The following ISX variants were observed in gnomAD, a reference collection of about 807,000 sequenced individuals.
ISX encodes intestine-specific homeobox.
ISX carries 15 observed loss-of-function variants against 16.9 expected under a neutral mutation model. The observed-to-expected ratio is 0.89, with a 90% CI of 0.59 to 1.36. ISX has a LOEUF of 1.36. Ranked by LOEUF, ISX falls within the 40% of genes most tolerant of loss-of-function variation. The pLI, the probability that ISX is intolerant of heterozygous loss-of-function variation, is 0.00. For missense variants in ISX, 316 were observed against 306.1 expected, an observed-to-expected ratio of 1.03 and a Z score of -0.24; for synonymous variants, 125 against 119.7, an observed-to-expected ratio of 1.04 and a Z score of -0.29.
In ISX at chr22:35,082,668, A is replaced by G. The variant is rs1290549926; in HGVS notation, c.380A>G (p.Gln127Arg). 3.1e-6 allele frequency: 5 copies of G among 1,614,006 alleles called. No homozygotes were observed. Among genetic ancestry groups the G allele is most frequent in the East Asian group, 4.5e-5 (2 of 44,884 alleles). The change falls in exon 3 of 5, where the codon CAG becomes CGG. Residue 127 changes from glutamine (Q) to arginine (R), a missense_variant and splice_region_variant. Coordinates refer to ENST00000404699, the MANE Select transcript of ISX (RefSeq NM_001303508.2). ...ARINLPEARV[Q>R]IWFQNQRAKW... ...ATCAACCTCCCAGAAGCTCGGGTGCAGGTACAGCCATCCCTACCTCAGCCC... is the reference window on the plus strand; with the variant it reads ...ATCAACCTCCCAGAAGCTCGGGTGCGGGTACAGCCATCCCTACCTCAGCCC...
At chr22:35,085,332 C>A in intron 4 of ISX, 122 bp from the exon 5 acceptor site, 2 of 1,244,228 alleles carry the variant, frequency 1.6e-6, no homozygotes, top group South Asian at 1.3e-5. Context: ...AGGTCCTGAG[C>A]AAACCAGAAC....
intron 2 of ISX, among the ~76,000 whole-genome samples, chr22:35,076,816 T>G (rs1928994082): frequency 6.6e-6 from 1 of 152,214 alleles, no homozygotes; most frequent in Admixed American, 6.5e-5. Flanking sequence ...TTAATTAAGT[T>G]CTGCTGATTC....
At chr22:35,075,104 C>G (rs1569112112) in intron 2 of ISX, among the ~76,000 whole-genome samples, 1 of 152,124 alleles carries the variant, frequency 6.6e-6, no homozygotes, top group Non-Finnish European at 1.5e-5. Context: ...CTTTAGAACA[C>G]AGAAGAGGCA....
intron 2 of ISX, among the ~76,000 whole-genome samples, chr22:35,078,285 T>G (rs1006860118): frequency 2.6e-5 from 4 of 152,154 alleles, no homozygotes; most frequent in Admixed American, 2.0e-4. Flanking sequence ...CATGGCTTGT[T>G]CATTTTGTAC....
chr22:35,068,781 G>T (rs766316187), intron 2 of ISX, among the ~76,000 whole-genome samples: 14 of 152,196 alleles, frequency 9.2e-5, no homozygotes, highest in African/African-American at 2.7e-4. Flanking sequence ...ACTAGCGGTG[G>T]TGACATCGGA....
intron 2 of ISX, among the ~76,000 whole-genome samples, chr22:35,076,033 T>C (rs1928970871): frequency 6.6e-6 from 1 of 151,960 alleles, no homozygotes; most frequent in South Asian, 2.1e-4. Flanking sequence ...TAGAGACTCA[T>C]AGAAAATTTT....
chr22:35,072,211 C>A (rs1336473897), intron 2 of ISX, among the ~76,000 whole-genome samples: 2 of 152,202 alleles, frequency 1.3e-5, no homozygotes, highest in Non-Finnish European at 1.5e-5. Context: ...AATTGAGAAC[C>A]TGGCTCAGTC....
In ISX at chr22:35,066,998, C is replaced by T; in HGVS notation, c.-90C>T. ...TCTCTGTTCTTCACCTCCACGCGCCCTCTTGACCCCAGGAGGTTCAGGGGA... is the reference window on the plus strand; with the variant it reads ...TCTCTGTTCTTCACCTCCACGCGCCTTCTTGACCCCAGGAGGTTCAGGGGA... On this transcript the variant is annotated 5_prime_UTR_variant, in exon 2 of 5. Coordinates refer to ENST00000404699, the MANE Select transcript of ISX (RefSeq NM_001303508.2). 1 of 938,394 alleles carries T rather than the reference C, an allele frequency of 1.1e-6. No homozygotes were observed. The highest frequency in any genetic ancestry group is 1.6e-6 in the Non-Finnish European group (1 of 608,648). The allele number at this position is 938,394 out of a possible 1,614,324, so 58.1% of individuals were successfully genotyped here. A position where few individuals can be genotyped will look rare whatever the true frequency, so the allele number is the denominator to read the frequency against.
chr22:35,075,608 A>C (rs1753009360), intron 2 of ISX, among the ~76,000 whole-genome samples: 1 of 152,196 alleles, frequency 6.6e-6, no homozygotes, highest in Non-Finnish European at 1.5e-5. Context: ...AAGAAACAAA[A>C]ATTTTTTTAA....
chr22:35,070,282 T>C (rs11705037), intron 2 of ISX, among the ~76,000 whole-genome samples: 11,962 of 152,276 alleles, frequency 0.079, 508 homozygotes, highest in Middle Eastern at 0.14. Context: ...AGGACTTCTT[T>C]ATCTGAAAAG....
rs577352020 is a variant in ISX at position 35,086,339 on chromosome 22, G to A, written c.*646G>A. On this transcript the variant is annotated 3_prime_UTR_variant, in exon 5 of 5. Coordinates refer to ENST00000404699, the MANE Select transcript of ISX (RefSeq NM_001303508.2). Reference sequence around the variant, plus strand: ...TTTATGACTGTGAGCATCTCAGAGTGAGAGAAAAATGTAGAAAGTTTTTTA... The same window carrying A: ...TTTATGACTGTGAGCATCTCAGAGTAAGAGAAAAATGTAGAAAGTTTTTTA... 1 of 153,034 alleles carries A rather than the reference G, an allele frequency of 6.5e-6. No individual in the cohort carries two copies. The highest frequency in any genetic ancestry group is 2.1e-4 in the South Asian group (1 of 4,836). 9.5% of individuals were successfully genotyped at this position (153,034 alleles called of 1,614,324 possible).
At position 35,085,892 on chromosome 22, in the gene ISX, C is replaced by G. The variant is rs1302362665; in HGVS notation, c.*199C>G. 2 of 631,504 alleles carry G rather than the reference C, an allele frequency of 3.2e-6. No individual in the cohort carries two copies. Among genetic ancestry groups the G allele is most frequent in the Non-Finnish European group, 5.5e-6 (2 of 365,504 alleles). 39.1% of individuals were successfully genotyped at this position (631,504 alleles called of 1,614,324 possible). On this transcript the variant is annotated 3_prime_UTR_variant, in exon 5 of 5. Transcript: ENST00000404699. Reference sequence around the variant, plus strand: ...AAACAATAAAGGACAGCTCTCTTCTCTCCTGGCTAAAGCTGCTCTCCTGGT... The same window carrying G: ...AAACAATAAAGGACAGCTCTCTTCTGTCCTGGCTAAAGCTGCTCTCCTGGT...
At chr22:35,080,945 T>C (rs1252136568) in intron 2 of ISX, among the ~76,000 whole-genome samples, 1 of 152,230 alleles carries the variant, frequency 6.6e-6, no homozygotes, top group Non-Finnish European at 1.5e-5. Context: ...TCTCACCATA[T>C]GATGAGTGCT....
intron 2 of ISX, among the ~76,000 whole-genome samples, chr22:35,075,945 G>A (rs1237434281): frequency 6.6e-6 from 1 of 152,088 alleles, no homozygotes; most frequent in Non-Finnish European, 1.5e-5. Context: ...AGATAAAAAG[G>A]TAAAAGAAAT....
At chr22:35,067,970 G>A (rs911860008) in intron 2 of ISX, among the ~76,000 whole-genome samples, 1 of 152,252 alleles carries the variant, frequency 6.6e-6, no homozygotes, top group Admixed American at 6.5e-5. Context: ...GCTGGCTTGA[G>A]GAAGGGAGGA....
intron 2 of ISX, among the ~76,000 whole-genome samples, chr22:35,079,499 C>CA (rs1455291101): frequency 6.6e-6 from 1 of 152,190 alleles, no homozygotes; most frequent in Non-Finnish European, 1.5e-5. Flanking sequence ...CAGTCAGTTA[C>CA]AGTCCCTACT....
chr22:35,085,816 G>A lies in ISX; in HGVS notation c.*123G>A. The A allele has an allele frequency of 1.6e-6, 2 of 1,282,122 alleles. No homozygotes were observed. The highest frequency in any genetic ancestry group is 1.3e-5 in the South Asian group (1 of 74,292). 79.4% of individuals were successfully genotyped at this position (1,282,122 alleles called of 1,614,324 possible). ...CCAAAAATGGCCCACAGCCCAGGAA[G>A]CTACCCTGAACATGCCAGTTGGAAG... On this transcript the variant is annotated 3_prime_UTR_variant, in exon 5 of 5. Coordinates refer to ENST00000404699, the MANE Select transcript of ISX (RefSeq NM_001303508.2).
intron 2 of ISX, among the ~76,000 whole-genome samples, chr22:35,072,006 T>C (rs1230548975): frequency 2.6e-5 from 4 of 152,204 alleles, no homozygotes; most frequent in Admixed American, 2.0e-4. Context: ...GATTAACAGC[T>C]CTGGCTCTTA....
chr22:35,084,449 C>A lies in ISX; in HGVS notation c.448C>A (p.Gln150Lys). The change falls in exon 4 of 5, where the codon CAG becomes AAG. Residue 150 changes from glutamine (Q) to lysine (K), a missense_variant. Coordinates refer to ENST00000404699, the MANE Select transcript of ISX (RefSeq NM_001303508.2). Reference protein sequence around the residue: ...QEKIGNLGAPQQLSEASVALP... With the variant: ...QEKIGNLGAPKQLSEASVALP... Reference sequence around the variant, plus strand: ...GAAGATTGGCAACCTGGGGGCTCCACAGCAGCTGAGTGAAGCCAGTGTGGC... The same window carrying A: ...GAAGATTGGCAACCTGGGGGCTCCAAAGCAGCTGAGTGAAGCCAGTGTGGC... 1 of 1,613,658 alleles carries A rather than the reference C, an allele frequency of 6.2e-7. No homozygotes were observed. The highest frequency in any genetic ancestry group is 8.5e-7 in the Non-Finnish European group (1 of 1,179,778).
Sources: gnomAD v4.1 joint callset for allele counts (sites outside exome capture counted in the v4.1 genomes callset) on GRCh38, gnomAD v4.1.1 for gene constraint, MANE v1.5 for transcripts, NCBI Gene and HGNC (gene_info 2026-07-23, HGNC 2026-07-21) for gene names.